PDIA4: variants seen among roughly 807,000 people sequenced by gnomAD.
PDIA4 encodes the protein protein disulfide-isomerase A4.
In PDIA4, 33 loss-of-function variants were observed where a neutral mutation model predicts 62.1. The ratio of observed to expected loss-of-function variants is 0.53; its 90% CI spans 0.40 to 0.71. The LOEUF is 0.71. PDIA4 is among the 30% of genes least tolerant of loss of function. The probability of loss-of-function intolerance (pLI) is 0.00; values close to 1 mark genes in which losing one functional copy is unlikely to be tolerated. For synonymous variants in PDIA4, 341 were observed against 324.1 expected, an observed-to-expected ratio of 1.05 and a Z score of -0.56; for missense variants, 804 against 813.6, an observed-to-expected ratio of 0.99 and a Z score of 0.14.
chr7:149,021,686 CTAGAATA>C (rs1824359595), intron 1 of PDIA4, among the ~76,000 whole-genome samples: 1 of 151,966 alleles, frequency 6.6e-6, no homozygotes, highest in Non-Finnish European at 1.5e-5. Context: ...AACCACAGCT[CTAGAATA>C]TAAAGTCCAA....
chr7:149,008,662 C>G (rs1585414202), intron 6 of PDIA4, among the ~76,000 whole-genome samples: 1 of 151,274 alleles, frequency 6.6e-6, no homozygotes, highest in Non-Finnish European at 1.5e-5. Context: ...GAGCCGAGAT[C>G]ACGCCACTGT....
At chr7:149,021,488 C>CAAAA (rs34989074) in intron 1 of PDIA4, among the ~76,000 whole-genome samples, 12 of 64,878 alleles carry the variant, frequency 1.8e-4, no homozygotes, top group Non-Finnish European at 3.1e-4. Flanking sequence ...CACTTCATCT[C>CAAAA]AAAAAAAAAA....
intron 9 of PDIA4, 116 bp from the exon 10 acceptor site, chr7:149,004,325 C>T: frequency 1.1e-6 from 1 of 903,462 alleles, no homozygotes; most frequent in Non-Finnish European, 1.7e-6. Context: ...GCCAGTCACA[C>T]AGGAAGAGCC....
intron 1 of PDIA4, among the ~76,000 whole-genome samples, chr7:149,026,457 C>T (rs1188390381): frequency 2.0e-5 from 3 of 152,062 alleles, no homozygotes; most frequent in Non-Finnish European, 2.9e-5. Context: ...GAGACCATCC[C>T]GGTTAACACG....
chr7:149,023,613 T>C (rs12534095), intron 1 of PDIA4, among the ~76,000 whole-genome samples: 99,722 of 151,712 alleles, frequency 0.66, 36,580 homozygotes, highest in South Asian at 0.82. Context: ...TGCAAGCAGA[T>C]GGATGGGAAG....
chr7:149,024,891 G>A (rs1824491953), intron 1 of PDIA4, among the ~76,000 whole-genome samples: 1 of 147,838 alleles, frequency 6.8e-6, no homozygotes, highest in Admixed American at 6.8e-5. Context: ...CTGGGAGGCC[G>A]AGGCAAGCGG....
At chr7:149,019,832 C>A (rs1299534752) in intron 2 of PDIA4, among the ~76,000 whole-genome samples, 1 of 152,082 alleles carries the variant, frequency 6.6e-6, no homozygotes, top group Admixed American at 6.6e-5. Context: ...TTTTTAATTT[C>A]TCAGTTTTAA....
chr7:149,012,401 G>A, intron 4 of PDIA4, 41 bp from the exon 5 acceptor site: 1 of 1,537,176 alleles, frequency 6.5e-7, no homozygotes, highest in East Asian at 2.2e-5. Flanking sequence ...TCATTCTAGT[G>A]TGGACTCACT....
rs1268052071 is a variant in PDIA4, at chr7:149,026,817, A to G, written c.88+1504T>C. On this transcript the variant is annotated intron_variant, in intron 1 of 9. Coordinates refer to ENST00000652332, the MANE Select transcript of PDIA4 (RefSeq NM_004911.5). ...TTATCTAGGAAAAAAAAAAAAAAAA[A>G]CGGAGCTAGAAGTCCCAGGAGGCCT... Among the ~76,000 whole-genome samples, 5 of 145,856 alleles carry G rather than the reference A, an allele frequency of 3.4e-5. 1 individual carries two copies. The highest frequency in any genetic ancestry group is 1.3e-4 in the African/African-American group (5 of 38,750).
At chr7:149,025,744 AT>A (rs1224157784) in intron 1 of PDIA4, among the ~76,000 whole-genome samples, 1 of 152,202 alleles carries the variant, frequency 6.6e-6, no homozygotes, top group East Asian at 1.9e-4. Flanking sequence ...GAGTTTCCAC[AT>A]TTTTATGGCT....
chr7:149,020,562 G>A (rs1824307619), intron 2 of PDIA4, among the ~76,000 whole-genome samples: 3 of 152,152 alleles, frequency 2.0e-5, no homozygotes, highest in Non-Finnish European at 4.4e-5. Context: ...CTGCACTTGG[G>A]GCAGCTGCCT....
At chr7:149,013,140 C>G (rs758010182) in intron 4 of PDIA4, among the ~76,000 whole-genome samples, 1 of 152,014 alleles carries the variant, frequency 6.6e-6, no homozygotes, top group Non-Finnish European at 1.5e-5. Flanking sequence ...CCCAGCTACT[C>G]GGGAGGCTGA....
At chr7:149,025,660 A>C (rs954137471) in intron 1 of PDIA4, among the ~76,000 whole-genome samples, 4 of 152,176 alleles carry the variant, frequency 2.6e-5, no homozygotes, top group African/African-American at 9.7e-5. Flanking sequence ...GGTCCTGACC[A>C]CTTAACTGCT....
chr7:149,018,947 C>T (rs759849813), intron 3 of PDIA4, 45 bp downstream of exon 3: 1 of 1,452,286 alleles, frequency 6.9e-7, no homozygotes, highest in Admixed American at 1.7e-5. Context: ...TTCCCATTCC[C>T]TGCGGGAAGG....
Position 149,018,954 on chromosome 7 carries a change from AAGGAGTTCTTCCTCTACGAGCTC to A in PDIA4, c.475+15_475+37del. 1 of 1,483,210 alleles carries A rather than the reference AAGGAGTTCTTCCTCTACGAGCTC, an allele frequency of 6.7e-7. No individual in the cohort carries two copies. Among genetic ancestry groups the A allele is most frequent in the African/African-American group, 1.4e-5 (1 of 72,110 alleles). The allele number at this position is 1,483,210 out of a possible 1,614,324, so 91.9% of individuals were successfully genotyped here. A position where few individuals can be genotyped will look rare whatever the true frequency, so the allele number is the denominator to read the frequency against. On this transcript the variant is annotated intron_variant, in intron 3 of 9. Transcript: ENST00000652332. ...TAGCCAAATTCCCATTCCCTGCGGG[AAGGAGTTCTTCCTCTACGAGCTC>A]AGGTACCAGCTCACCTTCCTGGGTT...
At chr7:149,011,760 T>C (rs918346234) in intron 6 of PDIA4, 86 bp downstream of exon 6, 6 of 1,107,018 alleles carry the variant, frequency 5.4e-6, no homozygotes, top group Non-Finnish European at 7.7e-6. Context: ...CCCTAATGGA[T>C]GTCCCAGGAG....
intron 3 of PDIA4, among the ~76,000 whole-genome samples, chr7:149,017,554 A>T (rs1470095934): frequency 3.9e-5 from 6 of 152,186 alleles, no homozygotes; most frequent in Admixed American, 2.0e-4. Context: ...ATCGTACTGC[A>T]GCCTGGGCCA....
At chr7:149,028,211 TG>T in intron 1 of PDIA4, 109 bp downstream of exon 1, 1 of 750,282 alleles carries the variant, frequency 1.3e-6, no homozygotes, top group Non-Finnish European at 2.1e-6. Context: ...TCACTAGTTC[TG>T]GAGCTGACCG....
intron 1 of PDIA4, among the ~76,000 whole-genome samples, chr7:149,026,800 G>GAAA (rs71529658): frequency 4.0e-5 from 5 of 125,532 alleles, no homozygotes; most frequent in Non-Finnish European, 5.1e-5. Context: ...CCTTATCTAG[G>GAAA]AAAAAAAAAA....
Sources: gnomAD v4.1 joint callset for allele counts (sites outside exome capture counted in the v4.1 genomes callset) on GRCh38, gnomAD v4.1.1 for gene constraint, MANE v1.5 for transcripts, NCBI Gene and HGNC (gene_info 2026-07-23, HGNC 2026-07-21) for gene names.